Variants in ZNF469 observed in about 807,000 individuals in gnomAD.
ZNF469 encodes zinc finger protein 469.
In ZNF469, 1 loss-of-function variant was observed where a neutral mutation model predicts 1.0. That is an observed-to-expected ratio of 1.00 (90% CI 0.35 to 4.73). ZNF469 has a LOEUF of 4.73. ZNF469 is among the 30% of genes most tolerant of loss of function. ZNF469 has a pLI of 0.16. For missense variants in ZNF469, 6,100 were observed against 5,356.3 expected, an observed-to-expected ratio of 1.14 and a Z score of -4.33; for synonymous variants, 2,703 against 2,363.4, an observed-to-expected ratio of 1.14 and a Z score of -4.17.
the ZNF469 span, among the ~76,000 whole-genome samples, chr16:88,303,460 C>T: frequency 6.6e-6 from 1 of 152,210 alleles, no homozygotes; most frequent in Non-Finnish European, 1.5e-5. Flanking sequence ...TCAGCCCCTC[C>T]AAGGGCCCAC....
At chr16:88,156,544 G>A in the ZNF469 span, among the ~76,000 whole-genome samples, 1 of 152,226 alleles carries the variant, frequency 6.6e-6, no homozygotes, top group Non-Finnish European at 1.5e-5. Context: ...GAACCTACAT[G>A]TGAGAAGTTG....
chr16:88,338,760 C>T, the ZNF469 span, among the ~76,000 whole-genome samples: 2 of 152,074 alleles, frequency 1.3e-5, no homozygotes, highest in East Asian at 3.9e-4. Flanking sequence ...GGCAGGGCCA[C>T]AGCAGAGATG....
intron 1 of ZNF469, among the ~76,000 whole-genome samples, chr16:88,403,512 T>A (rs965001664): frequency 1.3e-5 from 2 of 151,562 alleles, no homozygotes; most frequent in Non-Finnish European, 2.9e-5. Context: ...GGGCTCCAGG[T>A]CTCGGGGTCT....
At position 88,429,125 on chromosome 16, in the gene ZNF469, G is replaced by T. The variant is rs1402861463; in HGVS notation, c.1655G>T (p.Gly552Val). ...TCCCCAGCACTGTTCACCTACAACG[G>T]AATGACAGACCCTGGGGCTCAGCCC... is the stretch of plus-strand genomic sequence containing the variant. Reference protein sequence around the residue: ...GGSPALFTYNGMTDPGAQPLF... With the variant: ...GGSPALFTYNVMTDPGAQPLF... The change falls in exon 3 of 3, where the codon GGA (glycine) becomes GTA (valine). Residue 552 changes from glycine (G) to valine (V), a missense_variant. By Grantham distance (109) the Gly-to-Val change is moderately radical (BLOSUM62 -3). Transcript: ENST00000565624. 1 of 1,549,852 alleles carries T rather than the reference G, an allele frequency of 6.5e-7. No homozygotes were observed. The highest frequency in any genetic ancestry group is 8.7e-7 in the Non-Finnish European group (1 of 1,146,876).
At position 88,430,413 on chromosome 16, in the gene ZNF469, G is replaced by A; in HGVS notation, c.2943G>A (p.Arg981=). Reference sequence around the variant, plus strand: ...GCAGAGCCTCCGGCCTGAGGCCCCGGAGGAACGACGGTCTCGGGGAGCGGC... The same window carrying A: ...GCAGAGCCTCCGGCCTGAGGCCCCGAAGGAACGACGGTCTCGGGGAGCGGC... ...GGGRASGLRP[R]RNDGLGERPP... The change falls in exon 3 of 3, where the codon CGG becomes CGA. Residue 981 remains arginine, a synonymous_variant. Coordinates refer to ENST00000565624, the MANE Select transcript of ZNF469 (RefSeq NM_001367624.2). The A allele has an allele frequency of 6.6e-7, 1 of 1,520,828 alleles. No individual in the cohort carries two copies. The highest frequency in any genetic ancestry group is 2.5e-5 in the East Asian group (1 of 40,124). The allele number at this position is 1,520,828 out of a possible 1,614,324, so 94.2% of individuals were successfully genotyped here.
chr16:88,407,065 G>C (rs1905044831), intron 1 of ZNF469, among the ~76,000 whole-genome samples: 1 of 148,978 alleles, frequency 6.7e-6, no homozygotes, highest in Non-Finnish European at 1.5e-5. Flanking sequence ...AGCCTGCCCT[G>C]ATTGCTGTGA....
At chr16:88,364,489 C>CAAA in the ZNF469 span, among the ~76,000 whole-genome samples, 17 of 56,156 alleles carry the variant, frequency 3.0e-4, no homozygotes, top group South Asian at 1.6e-3. Context: ...TGTTGATTTC[C>CAAA]AAAAAAAAAA....
chr16:88,382,042 T>C (rs1293778273), upstream of ZNF469, among the ~76,000 whole-genome samples: 1 of 152,246 alleles, frequency 6.6e-6, no homozygotes. Context: ...AAAGCATTCC[T>C]TTCTGCGAAG....
rs998820758 is a variant in ZNF469 at position 88,433,909 on chromosome 16, G to C, written c.6439G>C (p.Gly2147Arg). Residue 2147 changes from glycine (G) to arginine (R), a missense_variant, in exon 3 of 3, where the codon GGG becomes CGG. Physicochemically the swap from Gly to Arg is moderately radical, Grantham distance 125. Transcript: ENST00000565624. Reference protein sequence around the residue: ...TSPSRAQGGLGGQLPASPSCR... With the variant: ...TSPSRAQGGLRGQLPASPSCR... ...GCCTTCCAGGGCCCAAGGTGGGCTG[G>C]GGGGGCAGCTGCCAGCATCTCCGTC... The C allele has an allele frequency of 1.3e-6, 2 of 1,549,184 alleles. No homozygotes were observed. Among genetic ancestry groups the C allele is most frequent in the African/African-American group, 1.4e-5 (1 of 73,042 alleles).
the ZNF469 span, among the ~76,000 whole-genome samples, chr16:88,262,934 G>C: frequency 6.6e-6 from 1 of 152,270 alleles, no homozygotes; most frequent in Non-Finnish European, 1.5e-5. This position sits in a 1 kb window ranked among gnomAD's most constrained non-coding sequence, Gnocchi z 4.3. Context: ...GCTCTGACCG[G>C]CTTGAGTGGG....
the ZNF469 span, among the ~76,000 whole-genome samples, chr16:88,354,361 C>T: frequency 2.0e-5 from 3 of 152,128 alleles, no homozygotes; most frequent in Non-Finnish European, 4.4e-5. Flanking sequence ...TCCTCGGCTC[C>T]CTGGATATTC....
the ZNF469 span, among the ~76,000 whole-genome samples, chr16:88,275,190 T>G: frequency 2.6e-5 from 4 of 152,180 alleles, no homozygotes; most frequent in Non-Finnish European, 5.9e-5. Context: ...AGGCAGCTGC[T>G]TTTTTATGTC....
the ZNF469 span, among the ~76,000 whole-genome samples, chr16:88,176,377 G>A: frequency 6.7e-6 from 1 of 149,660 alleles, no homozygotes; most frequent in Non-Finnish European, 1.5e-5. Context: ...ATGATGGATT[G>A]GACCTGGGCC....
chr16:88,172,672 T>C, the ZNF469 span, among the ~76,000 whole-genome samples: 3 of 152,204 alleles, frequency 2.0e-5, no homozygotes, highest in African/African-American at 7.2e-5. Context: ...ATGATGGAAT[T>C]CACAGACAAG....
At chr16:88,368,726 G>A in the ZNF469 span, among the ~76,000 whole-genome samples, 1 of 151,876 alleles carries the variant, frequency 6.6e-6, no homozygotes. Context: ...GGAGACTGTG[G>A]CCTGGGAAAG....
chr16:88,436,078 A>C lies in ZNF469; in HGVS notation c.8608A>C (p.Thr2870Pro). The C allele has an allele frequency of 6.5e-7, 1 of 1,549,888 alleles. No homozygotes were observed. The highest frequency in any genetic ancestry group is 8.7e-7 in the Non-Finnish European group (1 of 1,146,938). ...SQLFPPGGRL[T>P]RKRNPHVYGK... ...GCTCTTCCCTCCAGGCGGTCGCTTGACTAGAAAGAGGAACCCGCATGTCTA... is the reference window on the plus strand; with the variant it reads ...GCTCTTCCCTCCAGGCGGTCGCTTGCCTAGAAAGAGGAACCCGCATGTCTA... Residue 2870 changes from threonine (T) to proline (P), a missense_variant, in exon 3 of 3, where the codon ACT becomes CCT. Thr to Pro is a conservative substitution (Grantham distance 38). Transcript: ENST00000565624.
chr16:88,130,344 G>T, the ZNF469 span, among the ~76,000 whole-genome samples: 3,659 of 152,156 alleles, frequency 0.024, 132 homozygotes, highest in African/African-American at 0.083. Flanking sequence ...CGTGATATCG[G>T]CGTCCCTAGA....
the ZNF469 span, among the ~76,000 whole-genome samples, chr16:88,304,214 A>T: frequency 6.6e-6 from 1 of 152,076 alleles, no homozygotes; most frequent in Non-Finnish European, 1.5e-5. Flanking sequence ...ACAGCCCTTT[A>T]TCTTATCTGG....
At chr16:88,104,054 G>A in the ZNF469 span, among the ~76,000 whole-genome samples, 1 of 151,920 alleles carries the variant, frequency 6.6e-6, no homozygotes, top group Non-Finnish European at 1.5e-5. Context: ...GTGGTTCGTA[G>A]GGTGCTTTTT....
Sources: gnomAD v4.1 joint callset for allele counts (sites outside exome capture counted in the v4.1 genomes callset) on GRCh38, gnomAD v4.1.1 for gene constraint, Gnocchi (gnomAD v3.1) non-coding constraint, MANE v1.5 for transcripts, NCBI Gene and HGNC (gene_info 2026-07-23, HGNC 2026-07-21) for gene names.